Variants in BNC2 observed in about 807,000 individuals in gnomAD.
BNC2 encodes zinc finger protein basonuclin-2.
A neutral mutation model predicts 76.3 loss-of-function variants in BNC2; 20 were observed. That is an observed-to-expected ratio of 0.26 (90% CI 0.18 to 0.38). The LOEUF (loss-of-function observed/expected upper bound fraction) is 0.38. Ranked by LOEUF, BNC2 falls within the 10% of genes least tolerant of loss-of-function variation. BNC2 has a pLI of 1.00. For synonymous variants in BNC2, 582 were observed against 514.8 expected, an observed-to-expected ratio of 1.13 and a Z score of -1.77; for missense variants, 1,382 against 1,399.8, an observed-to-expected ratio of 0.99 and a Z score of 0.20.
At chr9:16,738,891 A>G (rs1970285) in intron 1 of BNC2, among the ~76,000 whole-genome samples, 134,458 of 148,654 alleles carry the variant, frequency 0.9, 60,848 homozygotes, top group Non-Finnish European at 0.92. Flanking sequence ...AAAAGTTAAG[A>G]CATACTCCTT....
intron 3 of BNC2, among the ~76,000 whole-genome samples, chr9:16,726,497 C>A (rs1587356180): frequency 1.4e-5 from 2 of 142,400 alleles, no homozygotes; most frequent in Admixed American, 7.3e-5. Context: ...TTATTATCAA[C>A]AACTTTAAAT....
At chr9:16,700,033 C>T (rs944170796) in intron 3 of BNC2, among the ~76,000 whole-genome samples, 2 of 152,114 alleles carry the variant, frequency 1.3e-5, no homozygotes, top group African/African-American at 2.4e-5. Context: ...CTTCTCCATC[C>T]TTATGTTTAC....
chr9:16,570,458 G>A lies in BNC2; in HGVS notation c.433+12525C>T, dbSNP rs575723222. The stretch of plus-strand genomic sequence containing the variant: ...TATCACACACACTTTTGGCACTGAC[G>A]TGTGTTTTCTTCTGGACTGCTGGAT... On this transcript the variant is annotated intron_variant, in intron 4 of 6. Transcript: ENST00000380672. Among the ~76,000 whole-genome samples the A allele has an allele frequency of 6.7e-4, 102 of 152,190 alleles. 1 individual carries two copies. Among genetic ancestry groups the A allele is most frequent in the African/African-American group, 1.9e-3 (80 of 41,544 alleles).
intron 3 of BNC2, among the ~76,000 whole-genome samples, chr9:16,634,607 T>C (rs1447724668): frequency 1.3e-5 from 2 of 151,038 alleles, no homozygotes; most frequent in African/African-American, 4.9e-5. Flanking sequence ...ATTCACACCA[T>C]TCTAGTGCCT....
intron 3 of BNC2, among the ~76,000 whole-genome samples, chr9:16,667,484 G>T (rs1429610033): frequency 6.6e-6 from 1 of 152,176 alleles, no homozygotes; most frequent in South Asian, 2.1e-4. Flanking sequence ...GCCAAATGTA[G>T]TAATTTGAGG....
chr9:16,706,174 T>C (rs941536312), intron 3 of BNC2, among the ~76,000 whole-genome samples: 2 of 152,364 alleles, frequency 1.3e-5, no homozygotes, highest in Non-Finnish European at 2.9e-5. Flanking sequence ...ACAGAGGTCA[T>C]AGTTTTGCAC....
intron 5 of BNC2, among the ~76,000 whole-genome samples, chr9:16,519,130 T>C (rs1345125498): frequency 6.6e-6 from 1 of 152,208 alleles, no homozygotes; most frequent in Non-Finnish European, 1.5e-5. Flanking sequence ...CCCTACCTTC[T>C]CAGCTGTCAT....
At chr9:16,806,470 A>C (rs1817915848) in intron 1 of BNC2, among the ~76,000 whole-genome samples, 1 of 152,232 alleles carries the variant, frequency 6.6e-6, no homozygotes, top group Non-Finnish European at 1.5e-5. Flanking sequence ...GATAAGAAGG[A>C]ATTTAAGCAA....
At chr9:16,757,512 A>T (rs1825419744) in intron 1 of BNC2, among the ~76,000 whole-genome samples, 1 of 152,220 alleles carries the variant, frequency 6.6e-6, no homozygotes, top group Admixed American at 6.5e-5. Context: ...TGTGAGAAAT[A>T]TCTGTCAAAA....
intron 1 of BNC2, among the ~76,000 whole-genome samples, chr9:16,819,004 AT>A (rs1818251552): frequency 6.6e-6 from 1 of 152,216 alleles, no homozygotes; most frequent in South Asian, 2.1e-4. Context: ...TTCATCTCTT[AT>A]CCCCATCAGA....
In BNC2 at chr9:16,769,342, G is replaced by C. The variant is rs150639113; in HGVS notation, c.4-30857C>G. On this transcript the variant is annotated intron_variant, in intron 1 of 6. Transcript: ENST00000380672. Reference sequence around the variant, plus strand: ...TAAAATAGGTGTCTAATAAATAACAGAGACATTATCTCATTTACTCCTCAC... The same window carrying C: ...TAAAATAGGTGTCTAATAAATAACACAGACATTATCTCATTTACTCCTCAC... Among the ~76,000 whole-genome samples the C allele has an allele frequency of 2.0e-5, 3 of 152,240 alleles. No homozygotes were observed. The East Asian group carries it at 5.8e-4, about 29-fold the overall frequency.
rs188033272 is a variant in BNC2 at position 16,853,364 on chromosome 9, C to G, written c.3+17282G>C. Among the ~76,000 whole-genome samples the G allele has an allele frequency of 4.0e-3, 612 of 151,224 alleles. 3 individuals are homozygous for G. The highest frequency in any genetic ancestry group is 6.8e-3 in the Middle Eastern group (2 of 292). ...GAGGCTGCAGTGAGCCATGATCATG[C>G]CACTGCACTCCAGCCTGAGTGATGA... On this transcript the variant is annotated intron_variant, in intron 1 of 6. Coordinates refer to ENST00000380672, the MANE Select transcript of BNC2 (RefSeq NM_017637.6).
rs571099144 is a variant in BNC2 at position 16,469,267 on chromosome 9, T to A, written c.670-31743A>T. 5.3e-5 allele frequency among the ~76,000 whole-genome samples: 8 copies of A among 152,278 alleles called. No individual in the cohort carries two copies. In the South Asian group the frequency reaches 1.7e-3, roughly 32 times the overall value. ...GTCCCCACCAAAATCTCAACTTGAG[T>A]AGTATCTCCCAGAATTCCCACATGT... is the stretch of plus-strand genomic sequence containing the variant. On this transcript the variant is annotated intron_variant, in intron 5 of 6. Transcript: ENST00000380672.
At chr9:16,775,397 T>TTA (rs1825938058) in intron 1 of BNC2, among the ~76,000 whole-genome samples, 1 of 148,262 alleles carries the variant, frequency 6.7e-6, no homozygotes, top group Admixed American at 6.7e-5. Context: ...ATTTCGTTAT[T>TTA]AAAAAAAAAA....
At position 16,585,732 on chromosome 9, in the gene BNC2, A is replaced by C. The variant is rs565293026; in HGVS notation, c.331-2647T>G. On this transcript the variant is annotated intron_variant, in intron 3 of 6. Coordinates refer to ENST00000380672, the MANE Select transcript of BNC2 (RefSeq NM_017637.6). ...AACATAAGTTATCATAAAACTATCA[A>C]AACCAGTTAAGCCTCAAAAATGTAC... is the stretch of plus-strand genomic sequence containing the variant. 7.2e-5 allele frequency among the ~76,000 whole-genome samples: 11 copies of C among 152,278 alleles called. No homozygotes were observed. The South Asian group carries it at 2.3e-3, about 32-fold the overall frequency.
chr9:16,783,626 T>A (rs994826834), intron 1 of BNC2, among the ~76,000 whole-genome samples: 4 of 152,246 alleles, frequency 2.6e-5, no homozygotes, highest in Non-Finnish European at 5.9e-5. Context: ...TCAAATGATA[T>A]GCACTGCTTT....
intron 5 of BNC2, among the ~76,000 whole-genome samples, chr9:16,541,637 T>C (rs1818323972): frequency 1.3e-5 from 2 of 152,232 alleles, no homozygotes; most frequent in African/African-American, 4.8e-5. Flanking sequence ...TTTCTCAATG[T>C]GTGTGCATGC....
intron 5 of BNC2, among the ~76,000 whole-genome samples, chr9:16,507,433 T>C (rs1324788353): frequency 2.6e-5 from 4 of 151,968 alleles, no homozygotes; most frequent in Non-Finnish European, 5.9e-5. Context: ...CTCATTTTTT[T>C]CCTTTGGTTT....
intron 3 of BNC2, among the ~76,000 whole-genome samples, chr9:16,635,591 A>G (rs376089211): frequency 3.9e-5 from 6 of 152,222 alleles, no homozygotes; most frequent in African/African-American, 1.2e-4. Flanking sequence ...ACAGAGCTCA[A>G]ATTAATACTG....
Sources: allele counts gnomAD v4.1 joint callset (sites outside exome capture counted in the v4.1 genomes callset), GRCh38; gene constraint gnomAD v4.1.1; transcripts MANE v1.5; gene names NCBI Gene and HGNC (gene_info 2026-07-23, HGNC 2026-07-21).